The following ANO4 variants were observed in gnomAD, a reference collection of about 807,000 sequenced individuals.
The protein encoded by ANO4 is anoctamin-4.
In ANO4, 69 loss-of-function variants were observed where a neutral mutation model predicts 141.9. That is an observed-to-expected ratio of 0.49 (90% CI 0.40 to 0.59). The LOEUF is 0.59. ANO4 is among the 20% of genes least tolerant of loss of function. The pLI is 0.00. For synonymous variants in ANO4, 350 were observed against 394.3 expected, an observed-to-expected ratio of 0.89 and a Z score of 1.33; for missense variants, 894 against 1,162.2, an observed-to-expected ratio of 0.77 and a Z score of 3.36.
chr12:100,772,902 G>A (rs753534614), intron 3 of ANO4, among the ~76,000 whole-genome samples: 23 of 152,176 alleles, frequency 1.5e-4, no homozygotes, highest in Non-Finnish European at 2.6e-4. Context: ...ACAAAAGAAC[G>A]TGAATGTTGC....
chr12:101,033,395 C>T (rs1382892705), intron 9 of ANO4, among the ~76,000 whole-genome samples: 1 of 151,916 alleles, frequency 6.6e-6, no homozygotes, highest in Non-Finnish European at 1.5e-5. Context: ...TGCAGCACAC[C>T]AGCATGTCAC....
At position 100,984,124 on chromosome 12, in the gene ANO4, T is replaced by C. The variant is rs183929692; in HGVS notation, c.603-3415T>C. On this transcript the variant is annotated intron_variant, in intron 7 of 27. Coordinates refer to ENST00000392977, the MANE Select transcript of ANO4 (RefSeq NM_001286615.2). ...TTATTTATTTATTTATGACACGGAG[T>C]CTTACTCTATCTCCCAGGCTGAAGT... Among the ~76,000 whole-genome samples, 436 of 152,084 alleles carry C rather than the reference T, an allele frequency of 2.9e-3. 3 individuals carry two copies. Among genetic ancestry groups the C allele is most frequent in the African/African-American group, 9.8e-3 (405 of 41,490 alleles).
At chr12:100,756,537 A>T (rs1417224023) in intron 3 of ANO4, among the ~76,000 whole-genome samples, 2 of 151,920 alleles carry the variant, frequency 1.3e-5, no homozygotes, top group African/African-American at 4.8e-5. Context: ...TTTAGTAGAG[A>T]TGGGGTTTCT....
intron 3 of ANO4, among the ~76,000 whole-genome samples, chr12:100,776,260 G>A (rs1014044687): frequency 6.6e-6 from 1 of 152,170 alleles, no homozygotes; most frequent in African/African-American, 2.4e-5. Context: ...CTATGTCCTG[G>A]ATGCCCAGGT....
intron 1 of ANO4, among the ~76,000 whole-genome samples, chr12:100,815,272 A>G (rs2035670463): frequency 6.6e-6 from 1 of 152,116 alleles, no homozygotes; most frequent in Non-Finnish European, 1.5e-5. Flanking sequence ...ACCCTCAGCA[A>G]GTTACTGTAT....
At chr12:101,123,610 A>G (rs1364035734) in intron 26 of ANO4, among the ~76,000 whole-genome samples, 1 of 152,128 alleles carries the variant, frequency 6.6e-6, no homozygotes, top group African/African-American at 2.4e-5. Flanking sequence ...TGAGGATAAC[A>G]GCTTCCAGTT....
chr12:100,958,337 A>AT, intron 5 of ANO4, among the ~76,000 whole-genome samples: 1 of 152,012 alleles, frequency 6.6e-6, no homozygotes, highest in South Asian at 2.1e-4. Context: ...CTCTTTTCCC[A>AT]TTTCACTCTC....
chr12:100,938,297 G>A (rs932516777), intron 3 of ANO4, among the ~76,000 whole-genome samples: 3 of 152,190 alleles, frequency 2.0e-5, no homozygotes, highest in African/African-American at 4.8e-5. Flanking sequence ...TGCCACAAGG[G>A]CAGGAAGCCA....
chr12:101,115,071 AT>A lies in ANO4; in HGVS notation c.2451-1607del, dbSNP rs140500308. On this transcript the variant is annotated intron_variant, in intron 24 of 27. Coordinates refer to ENST00000392977, the MANE Select transcript of ANO4 (RefSeq NM_001286615.2). Reference sequence around the variant, plus strand: ...GTTTAGTGTTCAGCAGCTTGGAATAATCATGCCAGACTTGTTAATGAAGAGA... The same window carrying A: ...GTTTAGTGTTCAGCAGCTTGGAATAACATGCCAGACTTGTTAATGAAGAGA... 6.7e-3 allele frequency among the ~76,000 whole-genome samples: 1,018 copies of A among 152,282 alleles called. 10 individuals are homozygous for A. Among genetic ancestry groups the A allele is most frequent in the African/African-American group, 0.023 (967 of 41,536 alleles).
At chr12:100,870,657 A>C (rs703703) in intron 1 of ANO4, among the ~76,000 whole-genome samples, 120,659 of 152,018 alleles carry the variant, frequency 0.79, 48,016 homozygotes, top group Admixed American at 0.86. Context: ...TTGGGGTTTG[A>C]AAACTCTTTT....
intron 4 of ANO4, among the ~76,000 whole-genome samples, chr12:100,941,891 T>G (rs773121484): frequency 4.6e-5 from 7 of 151,564 alleles, no homozygotes; most frequent in Non-Finnish European, 8.8e-5. Flanking sequence ...CTTCTTCCAA[T>G]TTTTATTTTG....
At chr12:101,016,919 A>G (rs1374150748) in intron 8 of ANO4, among the ~76,000 whole-genome samples, 1 of 152,174 alleles carries the variant, frequency 6.6e-6, no homozygotes, top group Non-Finnish European at 1.5e-5. Context: ...ATAGCCCTAA[A>G]ACCACATCAT....
intron 10 of ANO4, among the ~76,000 whole-genome samples, chr12:101,038,061 A>G (rs2136601168): frequency 6.6e-6 from 1 of 152,290 alleles, no homozygotes; most frequent in South Asian, 2.1e-4. Flanking sequence ...AAACACTAAG[A>G]GGGTGCAAAA....
intron 3 of ANO4, among the ~76,000 whole-genome samples, chr12:100,742,015 G>A (rs942520689): frequency 6.6e-6 from 1 of 152,056 alleles, no homozygotes; most frequent in Non-Finnish European, 1.5e-5. Flanking sequence ...AAAGGTTTCT[G>A]TGTTTAACTT....
In ANO4 at chr12:100,922,222, C is replaced by G. The variant is rs1177176177; in HGVS notation, c.56-4C>G. The G allele has an allele frequency of 1.0e-5, 16 of 1,526,722 alleles. No individual in the cohort carries two copies. The highest frequency in any genetic ancestry group is 1.4e-5 in the Non-Finnish European group (16 of 1,143,088). 94.6% of individuals were successfully genotyped at this position (1,526,722 alleles called of 1,614,324 possible). A position where few individuals can be genotyped will look rare whatever the true frequency, so the allele number is the denominator to read the frequency against. ...AACTCCATGAATATCTTTCATTTCT[C>G]TAGAAGGAGGTGTGGATTTGCAAGG... On this transcript the variant is annotated splice_polypyrimidine_tract_variant and splice_region_variant and intron_variant, in intron 2 of 27. Coordinates refer to ENST00000392977, the MANE Select transcript of ANO4 (RefSeq NM_001286615.2).
chr12:100,843,403 A>C (rs955300868), intron 1 of ANO4, among the ~76,000 whole-genome samples: 2 of 152,168 alleles, frequency 1.3e-5, no homozygotes, highest in Non-Finnish European at 2.9e-5. Flanking sequence ...TTTCTAATCT[A>C]TACTCAGAAA....
intron 1 of ANO4, among the ~76,000 whole-genome samples, chr12:100,870,245 G>A (rs953086622): frequency 6.6e-6 from 1 of 152,134 alleles, no homozygotes; most frequent in African/African-American, 2.4e-5. Context: ...AATATTTTGT[G>A]CAGTTATGCA....
chr12:101,012,008 C>G (rs1026154003), intron 8 of ANO4, among the ~76,000 whole-genome samples: 13 of 152,072 alleles, frequency 8.5e-5, no homozygotes, highest in African/African-American at 3.1e-4. Context: ...AAACCATCTT[C>G]CTTGCCTTTA....
chr12:100,766,601 G>T (rs1208485882), intron 3 of ANO4, among the ~76,000 whole-genome samples: 1 of 152,046 alleles, frequency 6.6e-6, no homozygotes, highest in Admixed American at 6.5e-5. Context: ...TGGTATAAAA[G>T]ATACTAGTTA....
Sources: allele counts gnomAD v4.1 joint callset (sites outside exome capture counted in the v4.1 genomes callset), GRCh38; gene constraint gnomAD v4.1.1; transcripts MANE v1.5; gene names NCBI Gene and HGNC (gene_info 2026-07-23, HGNC 2026-07-21).